GALNT13: variants seen among roughly 807,000 people sequenced by gnomAD.
GALNT13 encodes polypeptide N-acetylgalactosaminyltransferase 13, also known as UDP-GalNAc:polypeptide N-acetylgalactosaminyltransferase 13.
GALNT13 carries 28 observed loss-of-function variants against 64.2 expected under a neutral mutation model. The ratio of observed to expected loss-of-function variants is 0.44; its 90% CI spans 0.32 to 0.60. GALNT13 has a LOEUF of 0.60. GALNT13 is among the 20% of genes least tolerant of loss of function. GALNT13 has a pLI of 0.05. For missense variants in GALNT13, 577 were observed against 669.8 expected, an observed-to-expected ratio of 0.86 and a Z score of 1.53; for synonymous variants, 214 against 224.6, an observed-to-expected ratio of 0.95 and a Z score of 0.42.
At chr2:153,787,405 G>T in the GALNT13 span, among the ~76,000 whole-genome samples, 1 of 152,094 alleles carries the variant, frequency 6.6e-6, no homozygotes, top group South Asian at 2.1e-4. Context: ...CTGTACAAAG[G>T]CTCAGTCCTG....
the GALNT13 span, among the ~76,000 whole-genome samples, chr2:153,148,540 A>G: frequency 6.6e-6 from 1 of 151,366 alleles, no homozygotes; most frequent in Non-Finnish European, 1.5e-5. Context: ...GGAAGATAGA[A>G]CGCAAGACTT....
the GALNT13 span, among the ~76,000 whole-genome samples, chr2:153,071,710 AATT>A: frequency 6.6e-6 from 1 of 152,312 alleles, no homozygotes; most frequent in East Asian, 1.9e-4. Flanking sequence ...TTTCTGAAGA[AATT>A]ATTTCTTGAC....
chr2:154,224,333 T>C (rs1688474442), intron 4 of GALNT13, among the ~76,000 whole-genome samples: 1 of 152,034 alleles, frequency 6.6e-6, no homozygotes, highest in South Asian at 2.1e-4. Flanking sequence ...TACATAAAAA[T>C]ACTGAAACAG....
intron 8 of GALNT13, among the ~76,000 whole-genome samples, chr2:154,285,276 C>T (rs1302747620): frequency 6.6e-6 from 1 of 152,094 alleles, no homozygotes. Flanking sequence ...GGAGTCCTAG[C>T]CAAGATATCA....
At chr2:153,126,326 A>G in the GALNT13 span, among the ~76,000 whole-genome samples, 7,333 of 110,622 alleles carry the variant, frequency 0.066, 599 homozygotes, top group African/African-American at 0.16. Flanking sequence ...ATATATATAT[A>G]TATATATATA....
chr2:153,669,377 C>T, the GALNT13 span, among the ~76,000 whole-genome samples: 14 of 152,336 alleles, frequency 9.2e-5, no homozygotes, highest in East Asian at 1.7e-3. Context: ...CTTCTCCCCA[C>T]ATCCACACTG....
chr2:153,692,913 T>C, the GALNT13 span, among the ~76,000 whole-genome samples: 1 of 152,198 alleles, frequency 6.6e-6, no homozygotes, highest in South Asian at 2.1e-4. Flanking sequence ...GGGAGGTTTC[T>C]AGAAATCCAG....
At chr2:153,142,446 A>G in the GALNT13 span, among the ~76,000 whole-genome samples, 4 of 152,056 alleles carry the variant, frequency 2.6e-5, no homozygotes, top group Non-Finnish European at 5.9e-5. Flanking sequence ...TTGGAATGAT[A>G]AAAGGTTTAA....
the GALNT13 span, among the ~76,000 whole-genome samples, chr2:153,572,449 C>T: frequency 1.3e-5 from 2 of 150,528 alleles, no homozygotes; most frequent in South Asian, 4.2e-4. Flanking sequence ...TTTATTTCTG[C>T]CCTGGTCTTT....
At chr2:153,705,093 G>T in the GALNT13 span, among the ~76,000 whole-genome samples, 1 of 152,170 alleles carries the variant, frequency 6.6e-6, no homozygotes, top group Non-Finnish European at 1.5e-5. Flanking sequence ...TTTGTTGTGT[G>T]TATAGATTTA....
At chr2:153,770,604 G>A in the GALNT13 span, among the ~76,000 whole-genome samples, 1 of 152,176 alleles carries the variant, frequency 6.6e-6, no homozygotes, top group Non-Finnish European at 1.5e-5. Flanking sequence ...CAGTAAACAA[G>A]GATCAAGTAT....
the GALNT13 span, among the ~76,000 whole-genome samples, chr2:153,804,658 GA>G: frequency 4.0e-5 from 6 of 151,770 alleles, no homozygotes; most frequent in African/African-American, 1.5e-4. Context: ...TTTCTTTGAA[GA>G]AGTTCAGAGT....
At chr2:154,207,969 T>C (rs1687555209) in intron 4 of GALNT13, among the ~76,000 whole-genome samples, 1 of 152,234 alleles carries the variant, frequency 6.6e-6, no homozygotes, top group Non-Finnish European at 1.5e-5. Context: ...TATCCTGATT[T>C]ACTTCCTGTA....
At chr2:153,465,543 G>C in the GALNT13 span, among the ~76,000 whole-genome samples, 1 of 151,452 alleles carries the variant, frequency 6.6e-6, no homozygotes, top group Admixed American at 6.6e-5. Context: ...CATATAGTAA[G>C]GAAACAAAAT....
chr2:153,202,059 A>C, the GALNT13 span, among the ~76,000 whole-genome samples: 2 of 137,518 alleles, frequency 1.5e-5, no homozygotes, highest in East Asian at 2.1e-4. Context: ...ATCTCGGCTC[A>C]CTGCAAGCTC....
the GALNT13 span, among the ~76,000 whole-genome samples, chr2:153,437,692 C>T: frequency 2.0e-5 from 3 of 152,244 alleles, no homozygotes; most frequent in South Asian, 2.1e-4. Context: ...GATCTTCCTC[C>T]ATCCCTTTAT....
the GALNT13 span, among the ~76,000 whole-genome samples, chr2:153,277,748 A>G: frequency 6.6e-6 from 1 of 151,142 alleles, no homozygotes; most frequent in South Asian, 2.1e-4. Context: ...GGCCATTCTG[A>G]CTCATGTGAG....
the GALNT13 span, among the ~76,000 whole-genome samples, chr2:153,321,794 G>A: frequency 2.6e-5 from 4 of 152,260 alleles, no homozygotes; most frequent in East Asian, 1.9e-4. Context: ...TACATGCAAA[G>A]TGTTTGGTAG....
intron 7 of GALNT13, among the ~76,000 whole-genome samples, chr2:154,252,061 C>T (rs966809933): frequency 1.3e-5 from 2 of 151,930 alleles, no homozygotes; most frequent in Admixed American, 6.6e-5. Context: ...GATCTAAATA[C>T]TAACAGTGTA....
Sources: allele counts gnomAD v4.1 joint callset (sites outside exome capture counted in the v4.1 genomes callset), GRCh38; gene constraint gnomAD v4.1.1; transcripts MANE v1.5; gene names NCBI Gene and HGNC (gene_info 2026-07-23, HGNC 2026-07-21).